PRELID2: variants seen among roughly 807,000 people sequenced by gnomAD.
PRELID2 encodes the protein PRELI domain-containing protein 2.
PRELID2 carries 25 observed loss-of-function variants against 28.4 expected under a neutral mutation model. The observed-to-expected ratio is 0.88, with a 90% CI of 0.64 to 1.23. The LOEUF (loss-of-function observed/expected upper bound fraction) is 1.23. PRELID2 is among the 50% of genes most tolerant of loss of function. The pLI, the probability that PRELID2 is intolerant of heterozygous loss-of-function variation, is 0.00. For missense variants in PRELID2, 201 were observed against 214.4 expected (o/e 0.94, Z 0.39); for synonymous variants, 76 against 71.6 (o/e 1.06, Z -0.31).
the PRELID2 span, among the ~76,000 whole-genome samples, chr5:145,310,629 T>C: frequency 6.6e-6 from 1 of 152,218 alleles, no homozygotes; most frequent in African/African-American, 2.4e-5. Context: ...TCTGGCTCCA[T>C]CAGTTGGGTT....
At chr5:145,696,668 C>T (rs1048757618) in intron 1 of PRELID2, among the ~76,000 whole-genome samples, 3 of 151,686 alleles carry the variant, frequency 2.0e-5, no homozygotes, top group Non-Finnish European at 2.9e-5. Context: ...TGCACCATGT[C>T]GCCCAGGCTG....
At chr5:145,575,587 C>T (rs1753053665) in intron 1 of PRELID2, among the ~76,000 whole-genome samples, 1 of 152,174 alleles carries the variant, frequency 6.6e-6, no homozygotes, top group South Asian at 2.1e-4. Flanking sequence ...CCTAGCATTG[C>T]TTCACACAAC....
chr5:145,823,471 A>C (rs960299775), intron 1 of PRELID2, among the ~76,000 whole-genome samples: 3 of 152,224 alleles, frequency 2.0e-5, no homozygotes, highest in Non-Finnish European at 4.4e-5. Context: ...CACTGTACTA[A>C]ATGCTTTCCT....
At chr5:145,450,392 C>A in the PRELID2 span, among the ~76,000 whole-genome samples, 1 of 152,134 alleles carries the variant, frequency 6.6e-6, no homozygotes, top group African/African-American at 2.4e-5. Flanking sequence ...TAGCAGAAAG[C>A]CATGGTGGAA....
intron 1 of PRELID2, among the ~76,000 whole-genome samples, chr5:145,624,517 A>G (rs1406592831): frequency 8.7e-6 from 1 of 114,482 alleles, no homozygotes; most frequent in African/African-American, 6.0e-5. Context: ...TGTTCCAAGA[A>G]CTAATATATA....
the PRELID2 span, among the ~76,000 whole-genome samples, chr5:145,251,782 C>T: frequency 6.6e-6 from 1 of 152,088 alleles, no homozygotes; most frequent in Non-Finnish European, 1.5e-5. Flanking sequence ...CAGCTTGCCT[C>T]ATTGAGTGAT....
intron 1 of PRELID2, among the ~76,000 whole-genome samples, chr5:145,596,684 C>T (rs560620037): frequency 1.8e-4 from 28 of 152,156 alleles, no homozygotes; most frequent in South Asian, 1.5e-3. Flanking sequence ...GGGACCCCTG[C>T]GCAATCAGAA....
the PRELID2 span, among the ~76,000 whole-genome samples, chr5:145,268,080 T>A: frequency 6.6e-6 from 1 of 152,168 alleles, no homozygotes. Flanking sequence ...TGTCTCCCAT[T>A]CTGTAGGTTG....
At chr5:145,673,268 G>C (rs1754746160) in intron 1 of PRELID2, among the ~76,000 whole-genome samples, 1 of 152,146 alleles carries the variant, frequency 6.6e-6, no homozygotes, top group African/African-American at 2.4e-5. Flanking sequence ...ATTAACTGCA[G>C]CAAAATGATA....
chr5:145,260,084 C>T, the PRELID2 span, among the ~76,000 whole-genome samples: 1 of 152,124 alleles, frequency 6.6e-6, no homozygotes, highest in African/African-American at 2.4e-5. Flanking sequence ...TTTCTTGCTC[C>T]TGTTCCTGCT....
rs1441503400 is a variant in PRELID2, at chr5:145,835,114, AGAG to A, written c.75+60_75+62del. On this transcript the variant is annotated intron_variant, in intron 1 of 6. Transcript: ENST00000683046. ...GTGCCAGCTTCCGCGTGGATGAAGG[AGAG>A]GAGAGAGGGGCAAGCAGCGGAGGCA... is the stretch of plus-strand genomic sequence containing the variant. 5.2e-6 allele frequency: 6 copies of A among 1,145,370 alleles called. No individual in the cohort carries two copies. In the Admixed American group the frequency reaches 1.0e-4, roughly 20 times the overall value. 71.0% of individuals were successfully genotyped at this position (1,145,370 alleles called of 1,614,324 possible).
chr5:145,676,079 G>A (rs1242304815), intron 1 of PRELID2, among the ~76,000 whole-genome samples: 7 of 151,682 alleles, frequency 4.6e-5, no homozygotes, highest in Admixed American at 4.6e-4. Context: ...AATTAGCCGG[G>A]CGTGGTGGCA....
In PRELID2 at chr5:145,644,395, T is replaced by C. The variant is rs150534481; in HGVS notation, n.70+120536A>G. On this transcript the variant is annotated intron_variant and non_coding_transcript_variant, in intron 1 of 2. Transcript: ENST00000510259. ...ATTTTTTATTGCATCTATTTGATTC[T>C]TCTCTCTTTTCTTCTTTATTAGTCT... is the stretch of plus-strand genomic sequence containing the variant. 9.3e-3 allele frequency among the ~76,000 whole-genome samples: 1,411 copies of C among 152,278 alleles called. 23 individuals are homozygous for C. The highest frequency in any genetic ancestry group is 0.031 in the African/African-American group (1,298 of 41,556).
downstream of PRELID2, among the ~76,000 whole-genome samples, chr5:145,471,591 A>AT (rs879882385): frequency 5.3e-3 from 772 of 146,956 alleles, 6 homozygotes; most frequent in Admixed American, 8.4e-3. Flanking sequence ...TAACACACAC[A>AT]TTTTTTTTTT....
At chr5:145,736,616 T>C (rs1756504091) in intron 1 of PRELID2, among the ~76,000 whole-genome samples, 1 of 152,206 alleles carries the variant, frequency 6.6e-6, no homozygotes, top group African/African-American at 2.4e-5. Flanking sequence ...AAATTTTTCA[T>C]CTTCCATACT....
At chr5:145,517,915 C>G (rs1009414188) in intron 1 of PRELID2, among the ~76,000 whole-genome samples, 2 of 152,072 alleles carry the variant, frequency 1.3e-5, no homozygotes, top group African/African-American at 4.8e-5. Context: ...ATTGCATGTT[C>G]TCACTCATAA....
Position 145,805,258 on chromosome 5 carries a change from T to C in PRELID2, c.369-8711A>G, listed in dbSNP as rs564345836. On this transcript the variant is annotated intron_variant, in intron 4 of 6. Coordinates refer to ENST00000683046, the MANE Select transcript of PRELID2 (RefSeq NM_205846.3). ...GCATAAATTCAGTAGAGCCTTCATA[T>C]GAATTTTGACTTTTCAGCAGGTGTT... Among the ~76,000 whole-genome samples the C allele has an allele frequency of 5.9e-5, 9 of 152,332 alleles. No individual in the cohort carries two copies. In the South Asian group the frequency reaches 1.7e-3, roughly 28 times the overall value.
chr5:145,714,603 A>G (rs1279679344), intron 1 of PRELID2, among the ~76,000 whole-genome samples: 1 of 152,174 alleles, frequency 6.6e-6, no homozygotes, highest in Non-Finnish European at 1.5e-5. Flanking sequence ...AAGTAATTTC[A>G]TATATTTTAC....
chr5:145,619,477 T>G (rs1753744947), intron 1 of PRELID2, among the ~76,000 whole-genome samples: 1 of 152,254 alleles, frequency 6.6e-6, no homozygotes, highest in Admixed American at 6.5e-5. Context: ...TCAGTTTCCC[T>G]AGCAGGAGTG....
Sources: allele counts gnomAD v4.1 joint callset (sites outside exome capture counted in the v4.1 genomes callset), GRCh38; gene constraint gnomAD v4.1.1; transcripts MANE v1.5; gene names NCBI Gene and HGNC (gene_info 2026-07-23, HGNC 2026-07-21).